SEPTIN6: variants seen among roughly 807,000 people sequenced by gnomAD.
The protein encoded by SEPTIN6 is septin 6.
Under a neutral mutation model 33.6 loss-of-function variants are expected in SEPTIN6, and 8 were observed. That is an observed-to-expected ratio of 0.24 (90% CI 0.14 to 0.43). The LOEUF (loss-of-function observed/expected upper bound fraction) is 0.43, where lower values mean the gene tolerates loss of function less well. SEPTIN6 is among the 20% of genes least tolerant of loss of function. SEPTIN6 has a pLI of 1.00. For missense variants in SEPTIN6, 250 were observed against 340.8 expected, an observed-to-expected ratio of 0.73 and a Z score of 2.10; for synonymous variants, 131 against 140.0, an observed-to-expected ratio of 0.94 and a Z score of 0.45.
At chrX:119,666,799 T>G (rs1404826254) in intron 2 of SEPTIN6, among the ~76,000 whole-genome samples, 4 of 111,304 alleles carry the variant, frequency 3.6e-5, no homozygotes, top group Non-Finnish European at 5.7e-5. Context: ...AAGAAGAATT[T>G]TATGAGGTGG....
At chrX:119,670,644 A>C (rs751221386) in intron 2 of SEPTIN6, among the ~76,000 whole-genome samples, 4 of 108,756 alleles carry the variant, frequency 3.7e-5, no homozygotes, top group Non-Finnish European at 7.6e-5. Flanking sequence ...GTTCTGGATT[A>C]TCAAAAATTC....
At position 119,693,164 on chromosome X, in the gene SEPTIN6, G is replaced by C; in HGVS notation, c.-59C>G. ...CGCCGCAACGGGAGCTACTGCACAG[G>C]AAACAGAGGAGCTCCTCCGACAAAG... is the stretch of plus-strand genomic sequence containing the variant. On this transcript the variant is annotated 5_prime_UTR_variant, in exon 1 of 11. Coordinates refer to ENST00000394610, the MANE Select transcript of SEPTIN6 (RefSeq NM_145799.4). 1 of 1,111,326 alleles carries C rather than the reference G, an allele frequency of 9.0e-7. No individual in the cohort carries two copies. The highest frequency in any genetic ancestry group is 1.2e-6 in the Non-Finnish European group (1 of 823,809). 91.6% of individuals were successfully genotyped at this position (1,111,326 alleles called of 1,213,427 possible). A position where few individuals can be genotyped will look rare whatever the true frequency, so the allele number is the denominator to read the frequency against.
chrX:119,692,438 CT>C (rs2055189505), intron 1 of SEPTIN6, among the ~76,000 whole-genome samples: 1 of 111,464 alleles, frequency 9.0e-6, no homozygotes, highest in South Asian at 3.7e-4. Flanking sequence ...ACGCGGACTT[CT>C]TTGGGTCACA....
At chrX:119,661,041 C>CA (rs58898121) in intron 3 of SEPTIN6, among the ~76,000 whole-genome samples, 2,228 of 9,512 alleles carry the variant, frequency 0.23, 713 homozygotes, top group Admixed American at 0.31. Flanking sequence ...GACTCCATCT[C>CA]AAAAAAAAAA....
intron 5 of SEPTIN6, among the ~76,000 whole-genome samples, chrX:119,648,695 T>C (rs1054859023): frequency 2.7e-5 from 3 of 111,442 alleles, no homozygotes; most frequent in Admixed American, 9.6e-5. Context: ...TGCCCTGCTA[T>C]GCTAATTTGT....
intron 2 of SEPTIN6, among the ~76,000 whole-genome samples, chrX:119,667,531 A>T (rs1451706599): frequency 1.8e-5 from 2 of 111,614 alleles, no homozygotes; most frequent in African/African-American, 6.5e-5. Context: ...GCAGAAAATC[A>T]AGCGAGCTCA....
intron 3 of SEPTIN6, among the ~76,000 whole-genome samples, chrX:119,660,810 G>A (rs747977662): frequency 2.5e-4 from 25 of 99,883 alleles, no homozygotes; most frequent in Non-Finnish European, 3.8e-4. Flanking sequence ...GGGGGTGAGC[G>A]GGGGGGATCA....
At chrX:119,630,209 C>T (rs768433062) in intron 8 of SEPTIN6, among the ~76,000 whole-genome samples, 1 of 112,384 alleles carries the variant, frequency 8.9e-6, no homozygotes, top group East Asian at 2.8e-4. Context: ...TTAATTGTTA[C>T]CACATTCCTA....
rs1042247256 is a variant in SEPTIN6, at chrX:119,617,846, C to T, written c.*2247G>A. On this transcript the variant is annotated 3_prime_UTR_variant, in exon 11 of 11. Transcript: ENST00000394610. ...AAAATGTCTCCCTTAATATAAAACTCCTCCTTAGTTTCTGAAGGTCTCTCC... is the reference window on the plus strand; with the variant it reads ...AAAATGTCTCCCTTAATATAAAACTTCTCCTTAGTTTCTGAAGGTCTCTCC... 10 of 802,727 alleles carry T rather than the reference C, an allele frequency of 1.2e-5. No individual in the cohort carries two copies. Among genetic ancestry groups the T allele is most frequent in the Non-Finnish European group, 1.3e-5 (9 of 668,414 alleles). The allele number at this position is 802,727 out of a possible 1,213,427, so 66.2% of individuals were successfully genotyped here.
At chrX:119,657,218 CAA>C (rs371794037) in intron 3 of SEPTIN6, among the ~76,000 whole-genome samples, 2 of 65,565 alleles carry the variant, frequency 3.1e-5, no homozygotes, top group African/African-American at 5.4e-5. Context: ...GATTCCGTCT[CAA>C]AAAAAAAAAA....
intron 3 of SEPTIN6, among the ~76,000 whole-genome samples, chrX:119,657,843 C>T (rs927085167): frequency 8.9e-6 from 1 of 111,990 alleles, no homozygotes; most frequent in African/African-American, 3.2e-5. Context: ...CACCTATTCT[C>T]GACCGGGTGC....
chrX:119,692,964 G>A, intron 1 of SEPTIN6, 112 bp downstream of exon 1: 8 of 803,228 alleles, frequency 1.0e-5, no homozygotes, highest in Non-Finnish European at 1.5e-5. Flanking sequence ...CCGTGCCCTT[G>A]GCTCCTGGAT....
chrX:119,630,773 A>C (rs1281679061), intron 8 of SEPTIN6, among the ~76,000 whole-genome samples: 1 of 110,548 alleles, frequency 9.0e-6, no homozygotes, highest in African/African-American at 3.3e-5. Flanking sequence ...CTTGCCTATA[A>C]TCCCAGCTAC....
chrX:119,629,457 T>G lies in SEPTIN6; in HGVS notation c.1141A>C (p.Lys381Gln). 1 of 1,211,515 alleles carries G rather than the reference T, an allele frequency of 8.3e-7. No homozygotes were observed. The highest frequency in any genetic ancestry group is 1.8e-5 in the South Asian group (1 of 56,993). The stretch of plus-strand genomic sequence containing the variant: ...AGGGATTTCTTCTTATCCTCCAGTT[T>G]CTTCTTCTCGTCCTGGTGCAGTTTC... ...LKKLHQDEKK[K>Q]LEDKKKSLDD... Residue 381 changes from lysine (K) to glutamine (Q), a missense_variant, in exon 9 of 11, where the codon AAA becomes CAA. By Grantham distance (53) the Lys-to-Gln change is moderately conservative. Coordinates refer to ENST00000394610, the MANE Select transcript of SEPTIN6 (RefSeq NM_145799.4).
intron 1 of SEPTIN6, among the ~76,000 whole-genome samples, chrX:119,676,851 AG>A (rs2054851102): frequency 8.9e-6 from 1 of 111,874 alleles, no homozygotes; most frequent in Non-Finnish European, 1.9e-5. Flanking sequence ...TTAAGAGTAG[AG>A]GCTTTGAAAT....
chrX:119,616,731 G>T (rs1365071701), downstream of SEPTIN6: 1 of 1,196,706 alleles, frequency 8.4e-7, no homozygotes, highest in Non-Finnish European at 1.1e-6. Flanking sequence ...CTGAAGACAA[G>T]ATTAAAAAAA....
Position 119,618,467 on chromosome X carries a change from T to C in SEPTIN6, c.*1626A>G. 2.2e-6 allele frequency: 2 copies of C among 903,539 alleles called. No homozygotes were observed. The highest frequency in any genetic ancestry group is 2.7e-6 in the Non-Finnish European group (2 of 733,757). The allele number at this position is 903,539 out of a possible 1,213,427, so 74.5% of individuals were successfully genotyped here. On this transcript the variant is annotated 3_prime_UTR_variant, in exon 11 of 11. Transcript: ENST00000394610. Reference sequence around the variant, plus strand: ...AAATCCCCTTCCCCTTCTCAATACTTCAAAAAGGCCTGGAAATTTGGCATA... The same window carrying C: ...AAATCCCCTTCCCCTTCTCAATACTCCAAAAAGGCCTGGAAATTTGGCATA...
intron 3 of SEPTIN6, among the ~76,000 whole-genome samples, chrX:119,656,662 C>T (rs1341539147): frequency 2.7e-5 from 3 of 111,882 alleles, no homozygotes; most frequent in East Asian, 2.8e-4. Context: ...CCAAGGTGGG[C>T]GGATCACGAG....
Position 119,640,360 on chromosome X carries a change from A to G in SEPTIN6, c.787+332T>C, listed in dbSNP as rs759932596. Reference sequence around the variant, plus strand: ...AAGAATATCTGAATTGTTTGTAATTATTTGTCATTACAAACAACACTACTG... The same window carrying G: ...AAGAATATCTGAATTGTTTGTAATTGTTTGTCATTACAAACAACACTACTG... On this transcript the variant is annotated intron_variant, in intron 6 of 10. Transcript: ENST00000394610. Among the ~76,000 whole-genome samples the G allele has an allele frequency of 5.8e-3, 639 of 110,635 alleles. 6 individuals carry two copies. Among genetic ancestry groups the G allele is most frequent in the Non-Finnish European group, 9.0e-3 (478 of 52,861 alleles).
Sources: gnomAD v4.1 joint callset for allele counts (sites outside exome capture counted in the v4.1 genomes callset) on GRCh38, gnomAD v4.1.1 for gene constraint, MANE v1.5 for transcripts, NCBI Gene and HGNC (gene_info 2026-07-23, HGNC 2026-07-21) for gene names.